FCRL5: variants seen among roughly 807,000 people sequenced by gnomAD.
FCRL5 encodes Fc receptor like 5, also known as Fc receptor-like protein 5.
In FCRL5, 79 loss-of-function variants were observed where a neutral mutation model predicts 92.1. That is an observed-to-expected ratio of 0.86 (90% CI 0.72 to 1.03). The LOEUF is 1.03. Among genes scored for constraint, FCRL5 ranks in the 50% least tolerant of loss-of-function variants. The probability of loss-of-function intolerance (pLI) is 0.00; values close to 1 mark genes in which losing one functional copy is unlikely to be tolerated. For missense variants in FCRL5, 1,160 were observed against 1,181.1 expected (o/e 0.98, Z 0.26); for synonymous variants, 466 against 469.3 (o/e 0.99, Z 0.09).
intron 1 of FCRL5, 41 bp downstream of exon 1, chr1:157,552,291 C>T (rs1651855834): frequency 6.2e-7 from 1 of 1,608,820 alleles, no homozygotes; most frequent in Non-Finnish European, 8.5e-7. Context: ...GAGAAGCTGT[C>T]CCGATCCCAC....
chr1:157,521,418 T>C (rs1571077095), intron 10 of FCRL5, 126 bp from the exon 11 acceptor site: 1 of 1,164,236 alleles, frequency 8.6e-7, no homozygotes, highest in South Asian at 1.8e-5. Flanking sequence ...ACATAGATGA[T>C]AAAGCTAATT....
chr1:157,524,233 C>T (rs760001948), intron 10 of FCRL5, 46 bp downstream of exon 10: 81 of 1,605,094 alleles, frequency 5.0e-5, no homozygotes, highest in South Asian at 6.7e-5. Flanking sequence ...GGAGAACAGG[C>T]ACAGTCAGTT....
chr1:157,519,983 G>T (rs573201847), intron 12 of FCRL5, among the ~76,000 whole-genome samples: 3 of 152,162 alleles, frequency 2.0e-5, no homozygotes, highest in African/African-American at 7.2e-5. Flanking sequence ...TCCACAATCC[G>T]TAATCCTTTA....
At position 157,552,383 on chromosome 1, in the gene FCRL5, G is replaced by T; in HGVS notation, c.-21C>A. The T allele has an allele frequency of 6.2e-7, 1 of 1,613,920 alleles. No homozygotes were observed. Among genetic ancestry groups the T allele is most frequent in the Non-Finnish European group, 8.5e-7 (1 of 1,179,898 alleles). On this transcript the variant is annotated 5_prime_UTR_variant, in exon 1 of 17. Transcript: ENST00000361835. ...AGCATGAAGACCTGGACCACCAAGG[G>T]CTGAGATCAAAAGAGAAGTTTCCTC...
rs1649809535 is a variant in FCRL5, at chr1:157,513,757, G to C, written c.*1918C>G. 6.6e-6 allele frequency: 1 copy of C among 152,174 alleles called. No homozygotes were observed. Among genetic ancestry groups the C allele is most frequent in the African/African-American group, 2.4e-5 (1 of 41,422 alleles). The allele number at this position is 152,174 out of a possible 1,614,324, so 9.4% of individuals were successfully genotyped here. A position where few individuals can be genotyped will look rare whatever the true frequency, so the allele number is the denominator to read the frequency against. On this transcript the variant is annotated 3_prime_UTR_variant, in exon 17 of 17. Coordinates refer to ENST00000361835, the MANE Select transcript of FCRL5 (RefSeq NM_031281.3). ...TGAGAAATTCTAAATTTCCTCTTTT[G>C]AGCCTGGTGCCTCCACCTTCTCAGA...
At position 157,523,530 on chromosome 1, in the gene FCRL5, A is replaced by G. The variant is rs143504018; in HGVS notation, c.2239+749T>C. 1.8e-3 allele frequency among the ~76,000 whole-genome samples: 281 copies of G among 152,348 alleles called. 1 individual carries two copies. Among genetic ancestry groups the G allele is most frequent in the African/African-American group, 6.0e-3 (250 of 41,578 alleles). On this transcript the variant is annotated intron_variant, in intron 10 of 16. Coordinates refer to ENST00000361835, the MANE Select transcript of FCRL5 (RefSeq NM_031281.3). ...AAGATTCATCTCAACACCCCTTAGC[A>G]TACTTTTGCTAAACACCAGTTCTCT...
At chr1:157,522,113 C>A (rs1448137833) in intron 10 of FCRL5, 1 of 152,152 alleles carries the variant, frequency 6.6e-6, no homozygotes, top group Non-Finnish European at 1.5e-5. Context: ...AAATTATCTA[C>A]CTTTAGGTTT....
chr1:157,539,166 T>C lies in FCRL5; in HGVS notation c.1322A>G (p.Glu441Gly), dbSNP rs1273187551. The C allele has an allele frequency of 6.2e-7, 1 of 1,613,998 alleles. No homozygotes were observed. Among genetic ancestry groups the C allele is most frequent in the Non-Finnish European group, 8.5e-7 (1 of 1,179,994 alleles). The change falls in exon 7 of 17, where the codon GAG (glutamate) becomes GGG (glycine). Residue 441 changes from glutamate (E) to glycine (G), a missense_variant. Physicochemically the swap from Glu to Gly is moderately conservative, Grantham distance 98 (BLOSUM62 -2). Transcript: ENST00000361835. The part of the protein sequence containing the change: ...GVAISFSLTA[E>G]HSGNYYCTAD... Reference sequence around the variant, plus strand: ...TGTGCAGTAGTAGTTCCCTGAATGCTCTGCAGTCAGAGAGAAGCTGATGGC... The same window carrying C: ...TGTGCAGTAGTAGTTCCCTGAATGCCCTGCAGTCAGAGAGAAGCTGATGGC...
Position 157,539,226 on chromosome 1 carries a change from A to C in FCRL5, c.1262T>G (p.Leu421Arg). The C allele has an allele frequency of 6.2e-7, 1 of 1,614,216 alleles. No individual in the cohort carries two copies. The highest frequency in any genetic ancestry group is 1.3e-5 in the African/African-American group (1 of 75,066). ...LYQFHHEGAA[L>R]ERRSANSAGG... ...TGCAGAGTTGGCCGACCTACGCTCC[A>C]GGGCAGCACCCTCATGATGAAACTG... Residue 421 changes from leucine to arginine, a missense_variant, in exon 7 of 17, where the codon CTG becomes CGG. Leu to Arg is a moderately radical substitution (Grantham distance 102, BLOSUM62 -2). Coordinates refer to ENST00000361835, the MANE Select transcript of FCRL5 (RefSeq NM_031281.3).
At chr1:157,537,578 T>A (rs1651027934) in intron 7 of FCRL5, among the ~76,000 whole-genome samples, 1 of 152,212 alleles carries the variant, frequency 6.6e-6, no homozygotes, top group Non-Finnish European at 1.5e-5. Flanking sequence ...TATTACTTTG[T>A]GAAGCATGTG....
At chr1:157,516,688 A>G (rs540348161) in intron 15 of FCRL5, among the ~76,000 whole-genome samples, 24 of 152,362 alleles carry the variant, frequency 1.6e-4, no homozygotes, top group East Asian at 3.9e-4. Context: ...TTGTTATATT[A>G]TCATCAAACT....
At chr1:157,527,423 C>T (rs1317706578) in intron 9 of FCRL5, among the ~76,000 whole-genome samples, 194 bp downstream of exon 9, 2 of 152,170 alleles carry the variant, frequency 1.3e-5, no homozygotes, top group African/African-American at 4.8e-5. Flanking sequence ...AGGAAAAGTA[C>T]AGCAAGGGAA....
chr1:157,552,414 C>T lies in FCRL5; in HGVS notation c.-52G>A. The T allele has an allele frequency of 6.2e-7, 1 of 1,604,846 alleles. No individual in the cohort carries two copies. The highest frequency in any genetic ancestry group is 8.5e-7 in the Non-Finnish European group (1 of 1,171,684). On this transcript the variant is annotated 5_prime_UTR_variant, in exon 1 of 17. The change creates a premature stop within an existing upstream ORF in the 5' untranslated region. Coordinates refer to ENST00000361835, the MANE Select transcript of FCRL5 (RefSeq NM_031281.3). ...ATCAAAAGAGAAGTTTCCTCAATTC[C>T]AAAACAGGTTTGGACTTGATCTTAC...
chr1:157,546,450 AAAACCAAACC>A lies in FCRL5; in HGVS notation c.307+483_307+492del, dbSNP rs60618941. On this transcript the variant is annotated intron_variant, in intron 3 of 16. Transcript: ENST00000361835. ...GTGACAGAGCGAGACTCCATCTCAA[AAAACCAAACC>A]AAACCAAACCAAACCAAACCAAACC... is the stretch of plus-strand genomic sequence containing the variant. Among the ~76,000 whole-genome samples, 582 of 145,120 alleles carry A rather than the reference AAAACCAAACC, an allele frequency of 4.0e-3. 2 individuals carry two copies. The highest frequency in any genetic ancestry group is 0.01 in the African/African-American group (402 of 39,382).
chr1:157,538,850 G>A (rs1367971739), intron 7 of FCRL5, among the ~76,000 whole-genome samples: 1 of 152,228 alleles, frequency 6.6e-6, no homozygotes, highest in African/African-American at 2.4e-5. Flanking sequence ...AATTTGAGGA[G>A]CAGGGAAAAG....
intron 6 of FCRL5, chr1:157,542,430 G>C (rs1571105570): frequency 6.3e-6 from 1 of 158,696 alleles, no homozygotes; most frequent in African/African-American, 2.4e-5. Context: ...ACTTGTCTTT[G>C]TGTCTTACAT....
intron 8 of FCRL5, chr1:157,531,916 T>C (rs2101618278): frequency 6.6e-6 from 1 of 152,196 alleles, no homozygotes; most frequent in East Asian, 1.9e-4. Context: ...CTATTGGTGA[T>C]GATGGTTAAT....
In FCRL5 at chr1:157,524,016, G is replaced by A. The variant is rs563617521; in HGVS notation, c.2239+263C>T. ...TGTAATAATTTCAGTTCAGAATATA[G>A]TTTATGTTCTAAAAAAGTCTTATTT... On this transcript the variant is annotated intron_variant, in intron 10 of 16. Coordinates refer to ENST00000361835, the MANE Select transcript of FCRL5 (RefSeq NM_031281.3). 23 of 491,312 alleles carry A rather than the reference G, an allele frequency of 4.7e-5. No individual in the cohort carries two copies. In the South Asian group the frequency reaches 1.1e-3, roughly 24 times the overall value. The allele number at this position is 491,312 out of a possible 1,614,324, so 30.4% of individuals were successfully genotyped here. A position where few individuals can be genotyped will look rare whatever the true frequency, so the allele number is the denominator to read the frequency against.
At chr1:157,519,965 A>G (rs150745177) in intron 12 of FCRL5, among the ~76,000 whole-genome samples, 195 bp from the exon 13 acceptor site, 1 of 152,324 alleles carries the variant, frequency 6.6e-6, no homozygotes, top group East Asian at 1.9e-4. Flanking sequence ...TATGATGTGA[A>G]ACGGGAGTCC....
Sources: gnomAD v4.1 joint callset for allele counts (sites outside exome capture counted in the v4.1 genomes callset) on GRCh38, gnomAD v4.1.1 for gene constraint, MANE v1.5 for transcripts, NCBI Gene and HGNC (gene_info 2026-07-23, HGNC 2026-07-21) for gene names.